The following SAMMSON variants were observed in gnomAD, a reference collection of about 807,000 sequenced individuals.
The protein encoded by SAMMSON is long intergenic non-protein coding RNA 1212.
chr3:70,291,452 G>A (rs1702238996), intron 7 of SAMMSON, among the ~76,000 whole-genome samples: 1 of 152,116 alleles, frequency 6.6e-6, no homozygotes, highest in Non-Finnish European at 1.5e-5. Flanking sequence ...TTCTCCAGAT[G>A]GACCTAGAAT....
intron 3 of SAMMSON, among the ~76,000 whole-genome samples, chr3:70,035,386 C>T (rs73104060): frequency 0.058 from 8,844 of 152,172 alleles, 353 homozygotes; most frequent in South Asian, 0.13. Context: ...ATTAGGTGTA[C>T]CCAGATAATC....
At chr3:70,107,069 G>C (rs894571201) in intron 4 of SAMMSON, among the ~76,000 whole-genome samples, 4 of 152,168 alleles carry the variant, frequency 2.6e-5, no homozygotes, top group Non-Finnish European at 5.9e-5. Flanking sequence ...TGTGGAAATA[G>C]AATGTTGAAT....
intron 7 of SAMMSON, among the ~76,000 whole-genome samples, chr3:70,349,712 G>A (rs1559569786): frequency 6.6e-6 from 1 of 152,152 alleles, no homozygotes; most frequent in Non-Finnish European, 1.5e-5. Flanking sequence ...GTATGAGCAA[G>A]AAGTCCCAAA....
intron 6 of SAMMSON, among the ~76,000 whole-genome samples, chr3:70,275,065 G>C (rs1166392971): frequency 6.6e-6 from 1 of 152,094 alleles, no homozygotes; most frequent in Non-Finnish European, 1.5e-5. Flanking sequence ...GGTGATATAA[G>C]CCTGCAGCTG....
intron 7 of SAMMSON, among the ~76,000 whole-genome samples, chr3:70,314,947 C>A (rs952067637): frequency 7.9e-5 from 12 of 152,088 alleles, no homozygotes; most frequent in Admixed American, 7.9e-4. Context: ...GTCCCAAGAG[C>A]AATCCACTGC....
At chr3:70,125,768 T>G in intron 4 of SAMMSON, 1 of 655,448 alleles carries the variant, frequency 1.5e-6, no homozygotes. Context: ...TCCTTTATTT[T>G]TCTCTTTTTT....
intron 4 of SAMMSON, among the ~76,000 whole-genome samples, chr3:70,141,398 A>C (rs555462943): frequency 2.6e-5 from 4 of 152,194 alleles, no homozygotes; most frequent in Non-Finnish European, 5.9e-5. Flanking sequence ...GAAAGACAGC[A>C]AAGTTGCCTT....
chr3:70,319,551 C>T (rs575151247), intron 7 of SAMMSON, among the ~76,000 whole-genome samples: 15 of 152,130 alleles, frequency 9.9e-5, no homozygotes, highest in African/African-American at 2.2e-4. Context: ...CCTCCTGTGA[C>T]GGGCAGACAC....
At chr3:70,421,947 G>C (rs1701316045) in intron 2 of SAMMSON, among the ~76,000 whole-genome samples, 1 of 152,036 alleles carries the variant, frequency 6.6e-6, no homozygotes, top group Admixed American at 6.5e-5. Flanking sequence ...TGAAAATGTA[G>C]ATGGAATTGA....
At chr3:70,112,666 G>A (rs1280879334) in intron 4 of SAMMSON, among the ~76,000 whole-genome samples, 1 of 152,040 alleles carries the variant, frequency 6.6e-6, no homozygotes, top group Non-Finnish European at 1.5e-5. Context: ...AGAAAGCATG[G>A]TAAAAATCAA....
intron 1 of SAMMSON, among the ~76,000 whole-genome samples, chr3:70,011,456 G>GT (rs1248448042): frequency 2.0e-5 from 3 of 152,076 alleles, no homozygotes; most frequent in Admixed American, 2.0e-4. Flanking sequence ...AGGAGAGTTT[G>GT]TTTTTTCTAT....
chr3:70,161,208 A>C (rs1038973192), intron 4 of SAMMSON, among the ~76,000 whole-genome samples: 1 of 151,912 alleles, frequency 6.6e-6, no homozygotes, highest in African/African-American at 2.4e-5. Flanking sequence ...CTTCCAGTAC[A>C]TTGTTGAAAA....
At chr3:70,421,730 C>A (rs1448256114) in intron 2 of SAMMSON, among the ~76,000 whole-genome samples, 1 of 152,094 alleles carries the variant, frequency 6.6e-6, no homozygotes, top group Admixed American at 6.5e-5. Flanking sequence ...AAATTATCTT[C>A]ATCAGTGGGT....
At chr3:70,325,969 T>G (rs1286454199) in intron 7 of SAMMSON, among the ~76,000 whole-genome samples, 1 of 152,174 alleles carries the variant, frequency 6.6e-6, no homozygotes, top group Non-Finnish European at 1.5e-5. Flanking sequence ...TTGTTACAAC[T>G]TTATTTTATC....
chr3:70,324,113 T>C (rs1440099286), intron 7 of SAMMSON, among the ~76,000 whole-genome samples: 1 of 151,996 alleles, frequency 6.6e-6, no homozygotes, highest in Non-Finnish European at 1.5e-5. Context: ...CTCCCCAAAT[T>C]GTGTAAGTTC....
intron 4 of SAMMSON, among the ~76,000 whole-genome samples, chr3:70,118,372 T>C (rs976706437): frequency 1.2e-4 from 18 of 152,222 alleles, no homozygotes; most frequent in African/African-American, 4.3e-4. Context: ...CAAGTTCAAA[T>C]GTACCATTAA....
At chr3:70,179,366 G>A (rs1373617054) in intron 4 of SAMMSON, among the ~76,000 whole-genome samples, 1 of 152,336 alleles carries the variant, frequency 6.6e-6, no homozygotes, top group Middle Eastern at 3.4e-3. Context: ...TTGAATGCGT[G>A]TTAGGTGACT....
At position 70,324,153 on chromosome 3, in the gene SAMMSON, C is replaced by CTCTA. The variant is rs200387919; in HGVS notation, n.740-29979_740-29976dup. Reference sequence around the variant, plus strand: ...CCCTGTAACAGACCCCTTTACATCTCTCTATCTATCTATCTATCTATCTAT... The same window carrying CTCTA: ...CCCTGTAACAGACCCCTTTACATCTCTCTATCTATCTATCTATCTATCTATCTAT... On this transcript the variant is annotated intron_variant and non_coding_transcript_variant, in intron 7 of 9. Coordinates refer to ENST00000642114, the Ensembl canonical transcript of SAMMSON. Among the ~76,000 whole-genome samples, 1,480 of 148,618 alleles carry CTCTA rather than the reference C, an allele frequency of 1.0e-2. 9 individuals are homozygous for CTCTA. Among genetic ancestry groups the CTCTA allele is most frequent in the South Asian group, 0.015 (68 of 4,572 alleles).
intron 3 of SAMMSON, among the ~76,000 whole-genome samples, chr3:70,018,633 G>A (rs1206983893): frequency 6.6e-6 from 1 of 152,046 alleles, no homozygotes; most frequent in Non-Finnish European, 1.5e-5. Context: ...GCTTTTGAAT[G>A]TGTTTGCTCT....
Sources: gnomAD v4.1 joint callset for allele counts (sites outside exome capture counted in the v4.1 genomes callset) on GRCh38, gnomAD v4.1.1 for gene constraint, MANE v1.5 for transcripts, NCBI Gene and HGNC (gene_info 2026-07-23, HGNC 2026-07-21) for gene names.